WDR19: variants seen among roughly 807,000 people sequenced by gnomAD.
The protein encoded by WDR19 is WD repeat domain 19.
WDR19 carries 121 observed loss-of-function variants against 180.0 expected under a neutral mutation model. That is an observed-to-expected ratio of 0.67 (90% CI 0.58 to 0.78). WDR19 has a LOEUF of 0.78. WDR19 is among the 30% of genes least tolerant of loss of function. The pLI is 0.00. For synonymous variants in WDR19, 497 were observed against 540.7 expected (o/e 0.92, Z 1.12); for missense variants, 1,450 against 1,640.7 (o/e 0.88, Z 2.01).
chr4:39,194,733 T>C, intron 5 of WDR19, 74 bp downstream of exon 5: 1 of 1,184,882 alleles, frequency 8.4e-7, no homozygotes, highest in South Asian at 1.4e-5. Context: ...GCCTCAGGTT[T>C]CCCTGATCTT....
At chr4:39,220,213 C>T (rs1257690069) in intron 14 of WDR19, among the ~76,000 whole-genome samples, 2 of 151,974 alleles carry the variant, frequency 1.3e-5, no homozygotes, top group African/African-American at 4.8e-5. Context: ...GAGCAAGACC[C>T]CGTCTGAAAA....
At chr4:39,255,996 C>A in intron 27 of WDR19, 36 bp downstream of exon 27, 1 of 1,383,616 alleles carries the variant, frequency 7.2e-7, no homozygotes. Context: ...ACTGACTCCG[C>A]AGGAATAATT....
chr4:39,186,574 G>A lies in WDR19; in HGVS notation c.134G>A (p.Gly45Asp). 6.3e-7 allele frequency: 1 copy of A among 1,584,902 alleles called. No individual in the cohort carries two copies. Among genetic ancestry groups the A allele is most frequent in the Non-Finnish European group, 8.6e-7 (1 of 1,168,652 alleles). ...DYIVKIFDRH[G>D]QKRSEINLPG... is the part of the protein sequence containing the mutation. ...ATTGTGAAAATCTTTGATCGCCATG[G>A]TCAAAAAAGAAGTGAAATTAACTTA... Residue 45 changes from glycine to aspartate, a missense_variant, in exon 3 of 37, where the codon GGT (glycine) becomes GAT (aspartate). By Grantham distance (94) the Gly-to-Asp change is moderately conservative. Coordinates refer to ENST00000399820, the MANE Select transcript of WDR19 (RefSeq NM_025132.4).
intron 24 of WDR19, among the ~76,000 whole-genome samples, chr4:39,245,915 A>G (rs1732471055): frequency 6.6e-6 from 1 of 152,168 alleles, no homozygotes; most frequent in African/African-American, 2.4e-5. Flanking sequence ...AAAAATGTAT[A>G]ACTCTATTGT....
chr4:39,225,407 G>T (rs144843199), intron 15 of WDR19, among the ~76,000 whole-genome samples: 1 of 152,202 alleles, frequency 6.6e-6, no homozygotes, highest in Non-Finnish European at 1.5e-5. Context: ...CACCTCAGTT[G>T]ATTTTCCTCT....
chr4:39,199,624 T>G (rs1417934401), intron 6 of WDR19, 31 bp downstream of exon 6: 3 of 1,530,480 alleles, frequency 2.0e-6, no homozygotes, highest in Non-Finnish European at 2.7e-6. Flanking sequence ...TGGTCTGATA[T>G]ATTCAAGCTT....
At chr4:39,236,023 A>G (rs1198425103) in intron 20 of WDR19, among the ~76,000 whole-genome samples, 1 of 152,234 alleles carries the variant, frequency 6.6e-6, no homozygotes, top group African/African-American at 2.4e-5. Flanking sequence ...GAATGCTTAT[A>G]TACTGTTGAT....
Position 39,259,432 on chromosome 4 carries a change from T to C in WDR19, c.3183+1878T>C, listed in dbSNP as rs534831063. Among the ~76,000 whole-genome samples, 5 of 152,370 alleles carry C rather than the reference T, an allele frequency of 3.3e-5. No homozygotes were observed. In the South Asian group the frequency reaches 6.2e-4, roughly 19 times the overall value. ...ATTGTCTTGATTACTATATGTATTA[T>C]ATATTATAATCTTTCTGTTTCTGTG... On this transcript the variant is annotated intron_variant, in intron 28 of 36. Transcript: ENST00000399820.
At position 39,285,488 on chromosome 4, in the gene WDR19, T is replaced by C. The variant is rs185027082; in HGVS notation, c.*15T>C. On this transcript the variant is annotated splice_region_variant and 3_prime_UTR_variant, in exon 37 of 37. Coordinates refer to ENST00000399820, the MANE Select transcript of WDR19 (RefSeq NM_025132.4). ...ATGTGTTCTGTTTGTCCTTTCTAGA[T>C]ACAATGCTCCTGAGAAGACAGCATT... 1 of 152,356 alleles carries C rather than the reference T, an allele frequency of 6.6e-6. No individual in the cohort carries two copies. Among genetic ancestry groups the C allele is most frequent in the Admixed American group, 6.5e-5 (1 of 15,312 alleles). The allele number at this position is 152,356 out of a possible 1,614,324, so 9.4% of individuals were successfully genotyped here. A position where few individuals can be genotyped will look rare whatever the true frequency, so the allele number is the denominator to read the frequency against.
At chr4:39,194,918 C>T (rs1014331546) in intron 5 of WDR19, 2 of 399,758 alleles carry the variant, frequency 5.0e-6, no homozygotes, top group Admixed American at 8.1e-5. Context: ...AGCATGGCTT[C>T]CATTTGTCCT....
chr4:39,256,010 G>C lies in WDR19; in HGVS notation c.3114+50G>C, dbSNP rs1406392615. ...CACTGACTCCGCAGGAATAATTGTAGGAAATATACGTAAATGCCAGGAATA... is the reference window on the plus strand; with the variant it reads ...CACTGACTCCGCAGGAATAATTGTACGAAATATACGTAAATGCCAGGAATA... On this transcript the variant is annotated intron_variant, in intron 27 of 36. Coordinates refer to ENST00000399820, the MANE Select transcript of WDR19 (RefSeq NM_025132.4). 6 of 1,271,044 alleles carry C rather than the reference G, an allele frequency of 4.7e-6. No homozygotes were observed. The South Asian group carries it at 7.8e-5, about 16-fold the overall frequency. 78.7% of individuals were successfully genotyped at this position (1,271,044 alleles called of 1,614,324 possible).
chr4:39,202,155 G>C (rs934498015), intron 6 of WDR19, among the ~76,000 whole-genome samples: 2 of 152,108 alleles, frequency 1.3e-5, no homozygotes, highest in Non-Finnish European at 2.9e-5. Flanking sequence ...TTAGATAGCT[G>C]TTGGACCTTC....
intron 28 of WDR19, among the ~76,000 whole-genome samples, chr4:39,260,519 T>C (rs767454754): frequency 5.3e-5 from 8 of 152,040 alleles, no homozygotes; most frequent in Non-Finnish European, 8.8e-5. Flanking sequence ...TTTTGTACTT[T>C]TAGTAGAGAC....
Position 39,253,393 on chromosome 4 carries a change from G to A in WDR19, c.2876+101G>A, listed in dbSNP as rs1733438224. On this transcript the variant is annotated intron_variant, in intron 25 of 36. Transcript: ENST00000399820. ...TATATTAATTCAAAAGGAATATTTA[G>A]TCTTTATTTTTTTATCAGGTCTAAG... The A allele has an allele frequency of 2.2e-6, 3 of 1,339,120 alleles. No homozygotes were observed. In the East Asian group the frequency reaches 7.6e-5, roughly 34 times the overall value. The allele number at this position is 1,339,120 out of a possible 1,614,324, so 83.0% of individuals were successfully genotyped here. A position where few individuals can be genotyped will look rare whatever the true frequency, so the allele number is the denominator to read the frequency against.
At chr4:39,200,309 G>A (rs1727239264) in intron 6 of WDR19, among the ~76,000 whole-genome samples, 1 of 152,190 alleles carries the variant, frequency 6.6e-6, no homozygotes, top group African/African-American at 2.4e-5. Context: ...TAATCAAAAT[G>A]TAGAAGCTTA....
chr4:39,211,977 GA>G (rs1728585121), intron 9 of WDR19, among the ~76,000 whole-genome samples: 1 of 95,878 alleles, frequency 1.0e-5, no homozygotes, highest in African/African-American at 4.6e-5. Flanking sequence ...GAGAGAGAGA[GA>G]GAGAGAGATA....
At chr4:39,259,737 A>G (rs918159993) in intron 28 of WDR19, among the ~76,000 whole-genome samples, 7 of 152,168 alleles carry the variant, frequency 4.6e-5, no homozygotes, top group African/African-American at 1.4e-4. Context: ...TCTTAAGTGT[A>G]TTACTCAGGA....
At chr4:39,215,216 A>G (rs114474056) in intron 10 of WDR19, among the ~76,000 whole-genome samples, 1,630 of 152,326 alleles carry the variant, frequency 0.011, 29 homozygotes, top group African/African-American at 0.037. Context: ...ATTCTAATGT[A>G]AAGTATAAAT....
chr4:39,232,804 A>G (rs906904263), intron 19 of WDR19, among the ~76,000 whole-genome samples: 6 of 152,150 alleles, frequency 3.9e-5, no homozygotes, highest in Non-Finnish European at 8.8e-5. Flanking sequence ...TCCCCCTCCT[A>G]AAATTCAAAC....
Sources: allele counts gnomAD v4.1 joint callset (sites outside exome capture counted in the v4.1 genomes callset), GRCh38; gene constraint gnomAD v4.1.1; transcripts MANE v1.5; gene names NCBI Gene and HGNC (gene_info 2026-07-23, HGNC 2026-07-21).